The following CDC42SE2 variants were observed in gnomAD, a reference collection of about 807,000 sequenced individuals.
CDC42SE2 encodes the protein CDC42 small effector protein 2.
A neutral mutation model predicts 11.5 loss-of-function variants in CDC42SE2; 3 were observed. The ratio of observed to expected loss-of-function variants is 0.26; its 90% confidence interval spans 0.12 to 0.67. The LOEUF (loss-of-function observed/expected upper bound fraction) is 0.67. Ranked by LOEUF, CDC42SE2 falls within the 30% of genes least tolerant of loss-of-function variation. The probability of loss-of-function intolerance (pLI) is 0.80; values close to 1 mark genes in which losing one functional copy is unlikely to be tolerated. For missense variants in CDC42SE2, 82 were observed against 106.8 expected, an observed-to-expected ratio of 0.77 and a Z score of 1.02; for synonymous variants, 33 against 34.8, an observed-to-expected ratio of 0.95 and a Z score of 0.18.
In CDC42SE2 at chr5:131,306,461, G is replaced by A. The variant is rs971204092; in HGVS notation, c.-454-9515G>A. On this transcript the variant is annotated intron_variant, in intron 1 of 4. Coordinates refer to ENST00000505065, the MANE Select transcript of CDC42SE2 (RefSeq NM_001375635.1). The stretch of plus-strand genomic sequence containing the variant: ...TCCTGTTCTGTTGGTCAGTATTTCC[G>A]TTTTTATGCCAGTATGTTCTGTATT... Among the ~76,000 whole-genome samples the A allele has an allele frequency of 1.1e-4, 17 of 152,032 alleles. 1 individual carries two copies. The highest frequency in any genetic ancestry group is 4.1e-4 in the African/African-American group (17 of 41,390).
At chr5:131,317,175 T>A (rs991145450) in intron 2 of CDC42SE2, among the ~76,000 whole-genome samples, 1 of 152,146 alleles carries the variant, frequency 6.6e-6, no homozygotes, top group Admixed American at 6.6e-5. Context: ...ATGAGTGAAG[T>A]TTGTTTTTTC....
intron 2 of CDC42SE2, among the ~76,000 whole-genome samples, chr5:131,343,707 C>CGAA (rs1758766610): frequency 7.1e-6 from 1 of 141,444 alleles, no homozygotes; most frequent in Non-Finnish European, 1.5e-5. Flanking sequence ...GAGCTAAACT[C>CGAA]TGTCTCAAAA....
At chr5:131,218,336 C>G in the CDC42SE2 span, among the ~76,000 whole-genome samples, 1 of 152,044 alleles carries the variant, frequency 6.6e-6, no homozygotes, top group African/African-American at 2.4e-5. Flanking sequence ...AATAAAACTA[C>G]AATGCAATAT....
At chr5:131,344,605 C>G (rs990179938) in intron 2 of CDC42SE2, among the ~76,000 whole-genome samples, 3 of 152,184 alleles carry the variant, frequency 2.0e-5, no homozygotes, top group African/African-American at 7.2e-5. Flanking sequence ...GCAGCAGAAA[C>G]TTCTGCACAC....
chr5:131,254,113 C>T (rs1354449532), intron 1 of CDC42SE2, among the ~76,000 whole-genome samples: 35 of 152,102 alleles, frequency 2.3e-4, no homozygotes, highest in Admixed American at 2.3e-3. Flanking sequence ...TATACATGTG[C>T]CACGTTGGTT....
intron 2 of CDC42SE2, among the ~76,000 whole-genome samples, chr5:131,345,042 G>T (rs1055897876): frequency 4.6e-5 from 7 of 152,116 alleles, no homozygotes; most frequent in Non-Finnish European, 8.8e-5. Flanking sequence ...CACAAATATG[G>T]GGAGAAACTA....
At chr5:131,323,202 T>TA (rs1004022879) in intron 2 of CDC42SE2, among the ~76,000 whole-genome samples, 1 of 151,766 alleles carries the variant, frequency 6.6e-6, no homozygotes, top group Non-Finnish European at 1.5e-5. Flanking sequence ...TTTTTTTTTT[T>TA]TTTAGTAGAG....
chr5:131,257,520 C>G (rs1756687914), intron 2 of CDC42SE2, among the ~76,000 whole-genome samples: 1 of 151,486 alleles, frequency 6.6e-6, no homozygotes, highest in South Asian at 2.1e-4. Flanking sequence ...CTCTGTCACC[C>G]AGGCTGGAGT....
chr5:131,276,587 T>C (rs981363510), intron 1 of CDC42SE2, among the ~76,000 whole-genome samples: 3 of 152,210 alleles, frequency 2.0e-5, no homozygotes, highest in Non-Finnish European at 2.9e-5. Flanking sequence ...TTGTATAATA[T>C]GCAATAATTT....
intron 1 of CDC42SE2, among the ~76,000 whole-genome samples, chr5:131,272,885 C>G (rs1211387065): frequency 6.6e-6 from 1 of 152,110 alleles, no homozygotes; most frequent in Non-Finnish European, 1.5e-5. Flanking sequence ...AGTTCTCAAG[C>G]CTAATCTCAG....
intron 1 of CDC42SE2, among the ~76,000 whole-genome samples, chr5:131,307,111 A>G (rs972107140): frequency 2.0e-5 from 3 of 151,452 alleles, no homozygotes; most frequent in Admixed American, 6.6e-5. Context: ...ACATGTGCAC[A>G]TTGTGCAGGT....
the CDC42SE2 span, among the ~76,000 whole-genome samples, chr5:131,229,790 C>G: frequency 6.6e-6 from 1 of 152,042 alleles, no homozygotes; most frequent in Non-Finnish European, 1.5e-5. Flanking sequence ...AAAAATTAGC[C>G]ACGCATGGTG....
intron 2 of CDC42SE2, among the ~76,000 whole-genome samples, chr5:131,258,485 G>T (rs1334265581): frequency 6.6e-6 from 1 of 151,892 alleles, no homozygotes; most frequent in Non-Finnish European, 1.5e-5. Context: ...CTCTTATCTT[G>T]TTGTCCCCAG....
the CDC42SE2 span, among the ~76,000 whole-genome samples, chr5:131,238,893 C>T: frequency 1.3e-5 from 2 of 152,004 alleles, no homozygotes; most frequent in East Asian, 3.8e-4. Context: ...TTACACCGGG[C>T]ACGGCTGTAG....
chr5:131,353,056 C>T (rs1170818595), intron 2 of CDC42SE2, among the ~76,000 whole-genome samples: 4 of 152,056 alleles, frequency 2.6e-5, no homozygotes, highest in Admixed American at 2.0e-4. Flanking sequence ...GCCTCGACTT[C>T]CTGGGCTCTA....
At chr5:131,341,506 C>T (rs1404622506) in intron 2 of CDC42SE2, among the ~76,000 whole-genome samples, 1 of 151,974 alleles carries the variant, frequency 6.6e-6, no homozygotes, top group Non-Finnish European at 1.5e-5. Flanking sequence ...TCTTAGGAAG[C>T]CAGGGGAGTA....
chr5:131,388,777 C>CT lies in CDC42SE2; in HGVS notation c.157-2207dup, dbSNP rs1491208721. ...AAGAATTGACTTTTGGAGAAAAATA[C>CT]TTTTTTTTTCTTAGAATCTGCTTGG... On this transcript the variant is annotated intron_variant, in intron 4 of 4. Coordinates refer to ENST00000505065, the MANE Select transcript of CDC42SE2 (RefSeq NM_001375635.1). 7.2e-5 allele frequency among the ~76,000 whole-genome samples: 11 copies of CT among 151,918 alleles called. 1 individual carries two copies. Among genetic ancestry groups the CT allele is most frequent in the Middle Eastern group, 6.8e-3 (2 of 294 alleles).
rs1203322610 is a variant in CDC42SE2, at chr5:131,371,936, A to G, written c.54+12389A>G. 5.3e-5 allele frequency among the ~76,000 whole-genome samples: 8 copies of G among 152,320 alleles called. No individual in the cohort carries two copies. The South Asian group carries it at 1.2e-3, about 24-fold the overall frequency. Reference sequence around the variant, plus strand: ...ACAGACTTAGTTCAAATGCTTTCATATATATTAACTTAATGAGAAACATGT... The same window carrying G: ...ACAGACTTAGTTCAAATGCTTTCATGTATATTAACTTAATGAGAAACATGT... On this transcript the variant is annotated intron_variant, in intron 3 of 4. Transcript: ENST00000505065.
the CDC42SE2 span, among the ~76,000 whole-genome samples, chr5:131,237,612 C>T: frequency 6.6e-6 from 1 of 152,126 alleles, no homozygotes; most frequent in Non-Finnish European, 1.5e-5. Context: ...CAGGGTTTCA[C>T]ACTGTCACCA....
Sources: allele counts gnomAD v4.1 joint callset (sites outside exome capture counted in the v4.1 genomes callset), GRCh38; gene constraint gnomAD v4.1.1; transcripts MANE v1.5; gene names NCBI Gene and HGNC (gene_info 2026-07-23, HGNC 2026-07-21).